Variants in CCDC178 observed in about 807,000 individuals in gnomAD.
CCDC178 encodes coiled-coil domain containing 178, also known as coiled-coil domain-containing protein 178.
In CCDC178, 126 loss-of-function variants were observed where a neutral mutation model predicts 117.4. The observed-to-expected ratio is 1.07, with a 90% confidence interval of 0.93 to 1.24. The LOEUF (loss-of-function observed/expected upper bound fraction) is 1.24. CCDC178 is among the 50% of genes most tolerant of loss of function. The pLI is 0.00. For missense variants in CCDC178, 1,030 were observed against 986.9 expected (o/e 1.04, Z -0.59); for synonymous variants, 283 against 313.4 (o/e 0.90, Z 1.02).
intron 20 of CCDC178, among the ~76,000 whole-genome samples, chr18:33,124,782 G>C (rs28504670): frequency 2.0e-5 from 3 of 152,112 alleles, no homozygotes; most frequent in Non-Finnish European, 4.4e-5. Context: ...CTCCACAAAG[G>C]CTGTGTCAGA....
At chr18:33,333,506 CTTTTTTTTTT>C (rs11361411) in intron 9 of CCDC178, 112 bp from the exon 10 acceptor site, 14 of 152,910 alleles carry the variant, frequency 9.2e-5, no homozygotes, top group East Asian at 1.7e-4. Flanking sequence ...AATCTTACTA[CTTTTTTTTTT>C]TTTTTTTTTT....
At chr18:33,306,211 A>G (rs1194459186) in intron 11 of CCDC178, among the ~76,000 whole-genome samples, 1 of 152,082 alleles carries the variant, frequency 6.6e-6, no homozygotes, top group Non-Finnish European at 1.5e-5. Context: ...TTTTCAAAAA[A>G]ATGAATTATC....
At chr18:33,264,931 A>G (rs1162352916) in intron 14 of CCDC178, among the ~76,000 whole-genome samples, 3 of 152,066 alleles carry the variant, frequency 2.0e-5, no homozygotes, top group Admixed American at 1.3e-4. Flanking sequence ...GAATAATCTA[A>G]TAAGTGCCTG....
chr18:33,438,926 C>T (rs1224733988), intron 2 of CCDC178, among the ~76,000 whole-genome samples: 2 of 152,090 alleles, frequency 1.3e-5, no homozygotes, highest in Non-Finnish European at 2.9e-5. Flanking sequence ...TATGGATTTT[C>T]CCCCAGAAAT....
chr18:33,060,499 C>T (rs1206838735), intron 21 of CCDC178, among the ~76,000 whole-genome samples: 1 of 151,956 alleles, frequency 6.6e-6, no homozygotes, highest in Non-Finnish European at 1.5e-5. Flanking sequence ...GATTGATGTC[C>T]TCTACTTACT....
chr18:33,307,502 A>C (rs1417622273), intron 11 of CCDC178, among the ~76,000 whole-genome samples: 3 of 152,212 alleles, frequency 2.0e-5, no homozygotes, highest in East Asian at 3.9e-4. Context: ...CAAAGCACAA[A>C]AGTTTAGAAA....
intron 11 of CCDC178, among the ~76,000 whole-genome samples, chr18:33,305,889 C>T (rs1327056931): frequency 6.6e-6 from 1 of 152,052 alleles, no homozygotes; most frequent in Non-Finnish European, 1.5e-5. Context: ...GTTAAGACAC[C>T]TAGGGGAGAC....
intron 21 of CCDC178, among the ~76,000 whole-genome samples, chr18:32,985,053 C>T (rs575753988): frequency 6.6e-6 from 1 of 151,886 alleles, no homozygotes; most frequent in Admixed American, 6.6e-5. Flanking sequence ...CAAGAAAATG[C>T]TTTAAAAATT....
intron 18 of CCDC178, among the ~76,000 whole-genome samples, chr18:33,221,803 T>C (rs2059237747): frequency 6.6e-6 from 1 of 152,048 alleles, no homozygotes; most frequent in Admixed American, 6.6e-5. Flanking sequence ...AAATAAAGGC[T>C]TTGTGTACAA....
At chr18:33,137,869 T>C (rs2058148244) in intron 20 of CCDC178, among the ~76,000 whole-genome samples, 1 of 152,234 alleles carries the variant, frequency 6.6e-6, no homozygotes, top group Non-Finnish European at 1.5e-5. Context: ...CCCTGTATTT[T>C]GCTCCAAGGC....
chr18:33,366,446 T>C (rs1297354732), intron 6 of CCDC178, among the ~76,000 whole-genome samples: 2 of 152,054 alleles, frequency 1.3e-5, no homozygotes, highest in Non-Finnish European at 2.9e-5. Context: ...ATGGGTAATT[T>C]AGAGAGATAA....
At chr18:33,306,056 C>T (rs2062243807) in intron 11 of CCDC178, among the ~76,000 whole-genome samples, 1 of 152,172 alleles carries the variant, frequency 6.6e-6, no homozygotes, top group African/African-American at 2.4e-5. Context: ...GTCTTCTAAA[C>T]TTCTCTGTCT....
At chr18:32,949,557 G>A (rs2054433570) in intron 22 of CCDC178, among the ~76,000 whole-genome samples, 1 of 152,012 alleles carries the variant, frequency 6.6e-6, no homozygotes, top group African/African-American at 2.4e-5. Flanking sequence ...CTCAGGCATT[G>A]TAAGCTTTAT....
At chr18:33,273,581 T>C (rs1321309130) in intron 12 of CCDC178, among the ~76,000 whole-genome samples, 3 of 151,662 alleles carry the variant, frequency 2.0e-5, no homozygotes, top group African/African-American at 7.2e-5. Flanking sequence ...AATTACCAAT[T>C]GATTTTAACA....
intron 20 of CCDC178, among the ~76,000 whole-genome samples, chr18:33,186,623 T>C (rs892590404): frequency 7.9e-5 from 12 of 152,168 alleles, no homozygotes; most frequent in African/African-American, 2.9e-4. Context: ...TGTTTAGTTT[T>C]ATGTTGGGGT....
chr18:33,431,191 C>CTTTTTTTTT (rs35139388), intron 2 of CCDC178, among the ~76,000 whole-genome samples: 23 of 117,234 alleles, frequency 2.0e-4, no homozygotes, highest in East Asian at 1.0e-3. Flanking sequence ...AATGATTTAA[C>CTTTTTTTTT]TTTTTTTTTT....
chr18:33,330,288 T>G (rs2062649281), intron 10 of CCDC178, among the ~76,000 whole-genome samples: 1 of 152,126 alleles, frequency 6.6e-6, no homozygotes, highest in South Asian at 2.1e-4. Flanking sequence ...CTGCATGACA[T>G]TTATAGCCTT....
chr18:33,252,403 T>C (rs1429466131), intron 14 of CCDC178, among the ~76,000 whole-genome samples: 1 of 151,690 alleles, frequency 6.6e-6, no homozygotes, highest in African/African-American at 2.4e-5. Context: ...TGTGGGTGAG[T>C]AGTTAATTTT....
chr18:33,279,822 G>C (rs2059998621), intron 12 of CCDC178, among the ~76,000 whole-genome samples: 1 of 152,084 alleles, frequency 6.6e-6, no homozygotes, highest in South Asian at 2.1e-4. Context: ...TCTGGTCTTT[G>C]ACAAACCTGA....
Sources: allele counts gnomAD v4.1 joint callset (sites outside exome capture counted in the v4.1 genomes callset), GRCh38; gene constraint gnomAD v4.1.1; transcripts MANE v1.5; gene names NCBI Gene and HGNC (gene_info 2026-07-23, HGNC 2026-07-21).